MTUS2: variants seen among roughly 807,000 people sequenced by gnomAD.
The protein encoded by MTUS2 is microtubule associated scaffold protein 2.
Under a neutral mutation model 114.1 loss-of-function variants are expected in MTUS2, and 40 were observed. The ratio of observed to expected loss-of-function variants is 0.35; its 90% CI spans 0.27 to 0.46. The LOEUF is 0.46. Among genes scored for constraint, MTUS2 ranks in the 20% least tolerant of loss-of-function variants. The pLI is 1.00. For missense variants in MTUS2, 1,679 were observed against 1,705.4 expected (o/e 0.98, Z 0.27); for synonymous variants, 688 against 672.0 (o/e 1.02, Z -0.37).
chr13:29,169,133 A>C (rs1200187370), intron 5 of MTUS2, among the ~76,000 whole-genome samples: 1 of 152,180 alleles, frequency 6.6e-6, no homozygotes, highest in Non-Finnish European at 1.5e-5. Context: ...ATGAAATCAA[A>C]ATTAGGCCTT....
chr13:29,495,709 A>G (rs931143513), intron 12 of MTUS2, among the ~76,000 whole-genome samples: 1 of 151,938 alleles, frequency 6.6e-6, no homozygotes, highest in South Asian at 2.1e-4. Context: ...CATCTCTACT[A>G]AAAATACAAA....
In MTUS2 at chr13:29,415,133, C is replaced by T. The variant is rs148913059; in HGVS notation, c.3118-24850C>T. Among the ~76,000 whole-genome samples the T allele has an allele frequency of 2.5e-4, 37 of 150,534 alleles. No homozygotes were observed. In the East Asian group the frequency reaches 5.8e-3, roughly 24 times the overall value. On this transcript the variant is annotated intron_variant, in intron 8 of 15. Coordinates refer to ENST00000612955, the MANE Select transcript of MTUS2 (RefSeq NM_001033602.4). ...TTTTGGTTAATAATTTCTTTTTTTC[C>T]TTTTTGCATTGTGTTCAGTATGTTG...
At chr13:29,033,342 T>C (rs1886914088) in intron 3 of MTUS2, among the ~76,000 whole-genome samples, 1 of 152,140 alleles carries the variant, frequency 6.6e-6, no homozygotes, top group African/African-American at 2.4e-5. Context: ...AAAATACATT[T>C]TCCATTAACT....
At chr13:29,305,727 A>G (rs1167751377) in intron 6 of MTUS2, among the ~76,000 whole-genome samples, 1 of 152,200 alleles carries the variant, frequency 6.6e-6, no homozygotes, top group African/African-American at 2.4e-5. Flanking sequence ...AACTGATACC[A>G]TTGCTACTGA....
intron 5 of MTUS2, among the ~76,000 whole-genome samples, chr13:29,140,671 C>G: frequency 6.6e-6 from 1 of 152,266 alleles, no homozygotes; most frequent in East Asian, 1.9e-4. Flanking sequence ...CTGCCTGCCC[C>G]AGTTCTCTGG....
At chr13:28,996,814 G>A (rs551748885) in intron 2 of MTUS2, among the ~76,000 whole-genome samples, 29 of 151,972 alleles carry the variant, frequency 1.9e-4, no homozygotes, top group South Asian at 1.9e-3. Flanking sequence ...TCTTGCTAGC[G>A]GTCTATCAAT....
At chr13:29,045,537 G>A (rs1352432442) in intron 4 of MTUS2, among the ~76,000 whole-genome samples, 2 of 152,132 alleles carry the variant, frequency 1.3e-5, no homozygotes, top group Non-Finnish European at 2.9e-5. Flanking sequence ...GTATGTACAT[G>A]AAGGGGCAAT....
chr13:29,113,780 C>G (rs1593490445), intron 5 of MTUS2, among the ~76,000 whole-genome samples: 1 of 152,070 alleles, frequency 6.6e-6, no homozygotes, highest in African/African-American at 2.4e-5. Context: ...TTCCTAAAGA[C>G]TGGAACTTTA....
At chr13:28,970,792 A>G (rs1883820937) in intron 2 of MTUS2, among the ~76,000 whole-genome samples, 1 of 152,148 alleles carries the variant, frequency 6.6e-6, no homozygotes, top group African/African-American at 2.4e-5. Context: ...TGTTCCTGTC[A>G]TATCAGGGCC....
intron 2 of MTUS2, among the ~76,000 whole-genome samples, chr13:28,891,618 G>A (rs773789387): frequency 5.3e-5 from 8 of 152,094 alleles, no homozygotes; most frequent in Non-Finnish European, 1.2e-4. Context: ...GGTGGCTCAT[G>A]CCTGTAATCC....
At chr13:29,260,366 A>C (rs981421700) in intron 5 of MTUS2, among the ~76,000 whole-genome samples, 1 of 152,216 alleles carries the variant, frequency 6.6e-6, no homozygotes, top group African/African-American at 2.4e-5. Context: ...CCAGTTTCTG[A>C]CTGAGACTGA....
intron 8 of MTUS2, among the ~76,000 whole-genome samples, chr13:29,397,334 T>C (rs1218626880): frequency 6.6e-6 from 1 of 152,178 alleles, no homozygotes; most frequent in Non-Finnish European, 1.5e-5. Flanking sequence ...CTGCAGTCCC[T>C]CTTCAATGCT....
intron 2 of MTUS2, among the ~76,000 whole-genome samples, chr13:29,006,740 ACTAC>A (rs1885619714): frequency 6.6e-6 from 1 of 152,210 alleles, no homozygotes; most frequent in Admixed American, 6.5e-5. Flanking sequence ...TAGGGAGCAC[ACTAC>A]CTGATAGAAC....
At chr13:29,217,973 A>G (rs903276957) in intron 5 of MTUS2, among the ~76,000 whole-genome samples, 1 of 152,132 alleles carries the variant, frequency 6.6e-6, no homozygotes, top group Non-Finnish European at 1.5e-5. Flanking sequence ...TTTAAAAATT[A>G]GCTGGGCTTG....
chr13:29,076,315 C>A (rs2138710109), intron 4 of MTUS2, among the ~76,000 whole-genome samples: 1 of 152,296 alleles, frequency 6.6e-6, no homozygotes, highest in South Asian at 2.1e-4. Flanking sequence ...GCACCCTCTT[C>A]CAAGTACCAA....
intron 5 of MTUS2, among the ~76,000 whole-genome samples, chr13:29,151,859 AC>A (rs1555244039): frequency 1.3e-5 from 2 of 152,108 alleles, no homozygotes; most frequent in Admixed American, 1.3e-4. Flanking sequence ...ATGTTGAACC[AC>A]CCTTGCATCC....
chr13:29,281,295 C>T (rs552461819), intron 5 of MTUS2, among the ~76,000 whole-genome samples: 2 of 152,232 alleles, frequency 1.3e-5, no homozygotes, highest in East Asian at 1.9e-4. Context: ...GGGTCACTCA[C>T]GCTGTATTTC....
chr13:29,409,134 A>G (rs1415646639), intron 8 of MTUS2, among the ~76,000 whole-genome samples: 1 of 152,182 alleles, frequency 6.6e-6, no homozygotes, highest in African/African-American at 2.4e-5. Flanking sequence ...AGCCTGGCCA[A>G]CATGGTGAAA....
intron 4 of MTUS2, among the ~76,000 whole-genome samples, chr13:29,042,054 G>T (rs577438370): frequency 1.3e-4 from 20 of 152,252 alleles, no homozygotes; most frequent in African/African-American, 4.6e-4. Context: ...AGTTCTCAGA[G>T]GGAATGCTTT....
Sources: gnomAD v4.1 joint callset for allele counts (sites outside exome capture counted in the v4.1 genomes callset) on GRCh38, gnomAD v4.1.1 for gene constraint, MANE v1.5 for transcripts, NCBI Gene and HGNC (gene_info 2026-07-23, HGNC 2026-07-21) for gene names.